Variants in ROBO1 observed in about 807,000 individuals in gnomAD.
ROBO1 encodes the protein roundabout homolog 1.
Under a neutral mutation model 195.9 loss-of-function variants are expected in ROBO1, and 149 were observed. The observed-to-expected ratio is 0.76, with a 90% CI of 0.67 to 0.87. ROBO1 has a LOEUF of 0.87. ROBO1 is among the 40% of genes least tolerant of loss of function. The pLI, the probability that ROBO1 is intolerant of heterozygous loss-of-function variation, is 0.00. For synonymous variants in ROBO1, 816 were observed against 733.2 expected, an observed-to-expected ratio of 1.11 and a Z score of -1.82; for missense variants, 1,933 against 2,068.3, an observed-to-expected ratio of 0.93 and a Z score of 1.27.
At chr3:79,471,513 T>C (rs1290263805) in intron 2 of ROBO1, among the ~76,000 whole-genome samples, 1 of 152,092 alleles carries the variant, frequency 6.6e-6, no homozygotes, top group Admixed American at 6.6e-5. Flanking sequence ...TGTTAAAGAA[T>C]TATCATATAA....
intron 2 of ROBO1, among the ~76,000 whole-genome samples, chr3:79,241,686 A>G (rs2082521093): frequency 6.6e-6 from 1 of 150,450 alleles, no homozygotes; most frequent in Non-Finnish European, 1.5e-5. Flanking sequence ...AACAATATTT[A>G]TGTAATAAAT....
At chr3:78,737,253 A>T (rs1438971479) in intron 5 of ROBO1, among the ~76,000 whole-genome samples, 2 of 152,194 alleles carry the variant, frequency 1.3e-5, no homozygotes, top group African/African-American at 2.4e-5. Context: ...GGCAGAGGAG[A>T]TAGAAAGCTG....
chr3:79,691,120 C>G (rs1000099267), intron 1 of ROBO1, among the ~76,000 whole-genome samples: 2 of 151,788 alleles, frequency 1.3e-5, no homozygotes, highest in Non-Finnish European at 2.9e-5. Flanking sequence ...CCCTAACACA[C>G]GTAAGAACAA....
intron 8 of ROBO1, among the ~76,000 whole-genome samples, chr3:78,711,535 G>A (rs898834999): frequency 6.7e-6 from 1 of 148,990 alleles, no homozygotes; most frequent in Admixed American, 6.8e-5. Flanking sequence ...GCCCAAGCTA[G>A]AATGCAATGG....
chr3:79,277,964 T>A (rs1181386084), intron 2 of ROBO1, among the ~76,000 whole-genome samples: 1 of 151,982 alleles, frequency 6.6e-6, no homozygotes, highest in Non-Finnish European at 1.5e-5. Context: ...CTGATAATTT[T>A]GATAAAGATG....
At chr3:79,753,437 T>C (rs1446170891) in intron 1 of ROBO1, among the ~76,000 whole-genome samples, 1 of 152,188 alleles carries the variant, frequency 6.6e-6, no homozygotes, top group African/African-American at 2.4e-5. Context: ...AGCTCTGCCA[T>C]GAAACCTTGT....
intron 1 of ROBO1, among the ~76,000 whole-genome samples, chr3:79,755,867 C>T (rs531324685): frequency 5.9e-5 from 9 of 152,286 alleles, no homozygotes; most frequent in South Asian, 2.1e-4. Context: ...CATATTAGTC[C>T]TTGATCTGGC....
intron 3 of ROBO1, among the ~76,000 whole-genome samples, chr3:78,949,480 C>T (rs1249600607): frequency 6.6e-6 from 1 of 151,956 alleles, no homozygotes; most frequent in African/African-American, 2.4e-5. Context: ...GAAACTGGAT[C>T]CCTTCCTTAC....
chr3:79,248,374 C>CA (rs10559171), intron 2 of ROBO1, among the ~76,000 whole-genome samples: 2,274 of 35,220 alleles, frequency 0.065, 42 homozygotes, highest in African/African-American at 0.11. Flanking sequence ...GAAGACAGAC[C>CA]AAAAAAAAAA....
At chr3:78,726,147 A>G (rs1006307479) in intron 5 of ROBO1, among the ~76,000 whole-genome samples, 1 of 152,184 alleles carries the variant, frequency 6.6e-6, no homozygotes, top group Admixed American at 6.5e-5. Context: ...ATTGCTAACC[A>G]CCAAACTGTC....
intron 25 of ROBO1, among the ~76,000 whole-genome samples, chr3:78,627,923 G>A (rs555961324): frequency 6.6e-6 from 1 of 151,320 alleles, no homozygotes; most frequent in African/African-American, 2.4e-5. Context: ...AGGACCTGAA[G>A]ATGAGCTGCT....
At chr3:79,037,994 G>A (rs1015136517) in intron 3 of ROBO1, among the ~76,000 whole-genome samples, 2 of 152,040 alleles carry the variant, frequency 1.3e-5, no homozygotes, top group Non-Finnish European at 2.9e-5. Context: ...ATCCAAGAAA[G>A]ATTTTTTTAA....
At chr3:79,193,580 G>GTTTTT (rs2081578949) in intron 2 of ROBO1, among the ~76,000 whole-genome samples, 1 of 94,844 alleles carries the variant, frequency 1.1e-5, no homozygotes, top group African/African-American at 4.8e-5. Flanking sequence ...ATGTGGTTTT[G>GTTTTT]CTTTTTTTTT....
At chr3:78,711,251 T>G (rs1364953259) in intron 8 of ROBO1, among the ~76,000 whole-genome samples, 2 of 152,128 alleles carry the variant, frequency 1.3e-5, no homozygotes, top group South Asian at 2.1e-4. Context: ...AGGATGTCCC[T>G]GTGCTCTCTC....
chr3:78,705,336 C>G (rs1327544535), intron 8 of ROBO1, among the ~76,000 whole-genome samples: 1 of 152,130 alleles, frequency 6.6e-6, no homozygotes, highest in African/African-American at 2.4e-5. Context: ...GCATAAGCAC[C>G]CCATAATCCA....
At chr3:79,056,253 T>C (rs1576621722) in intron 3 of ROBO1, among the ~76,000 whole-genome samples, 1 of 152,154 alleles carries the variant, frequency 6.6e-6, no homozygotes. Flanking sequence ...GAATGCTGAA[T>C]AGCCCCACAA....
chr3:79,631,923 A>G (rs1350241360), intron 1 of ROBO1, among the ~76,000 whole-genome samples: 1 of 152,134 alleles, frequency 6.6e-6, no homozygotes, highest in East Asian at 1.9e-4. Flanking sequence ...AACCACAGTG[A>G]GATGCCATCT....
chr3:79,366,520 C>G (rs2035981968), intron 2 of ROBO1, among the ~76,000 whole-genome samples: 1 of 152,072 alleles, frequency 6.6e-6, no homozygotes, highest in African/African-American at 2.4e-5. Flanking sequence ...TTAAAAGTCC[C>G]TTATCTTAGT....
intron 4 of ROBO1, among the ~76,000 whole-genome samples, chr3:78,833,125 A>T (rs560368626): frequency 3.3e-5 from 5 of 152,238 alleles, no homozygotes; most frequent in African/African-American, 1.2e-4. Flanking sequence ...TCTCTGCAGG[A>T]TTGATTTCAA....
Sources: allele counts gnomAD v4.1 joint callset (sites outside exome capture counted in the v4.1 genomes callset), GRCh38; gene constraint gnomAD v4.1.1; transcripts MANE v1.5; gene names NCBI Gene and HGNC (gene_info 2026-07-23, HGNC 2026-07-21).